MAF: variants seen among roughly 807,000 people sequenced by gnomAD.
MAF encodes MAF bZIP transcription factor.
A neutral mutation model predicts 22.0 loss-of-function variants in MAF; 10 were observed. That is an observed-to-expected ratio of 0.45 (90% CI 0.28 to 0.77). The LOEUF is 0.77. Ranked by LOEUF, MAF falls within the 30% of genes least tolerant of loss-of-function variation. The pLI, the probability that MAF is intolerant of heterozygous loss-of-function variation, is 0.12. For missense variants in MAF, 544 were observed against 548.4 expected, an observed-to-expected ratio of 0.99 and a Z score of 0.08; for synonymous variants, 337 against 255.8, an observed-to-expected ratio of 1.32 and a Z score of -3.03.
At chr16:79,303,709 C>T in the MAF span, among the ~76,000 whole-genome samples, 6 of 152,160 alleles carry the variant, frequency 3.9e-5, no homozygotes, top group South Asian at 6.2e-4. Context: ...GAGGCACACC[C>T]GTAAGAAAGA....
the MAF span, among the ~76,000 whole-genome samples, chr16:79,223,411 GA>G: frequency 2.7e-5 from 4 of 150,916 alleles, no homozygotes; most frequent in East Asian, 6.0e-4. Flanking sequence ...GAGAAAGCAG[GA>G]AAGATCTAAA....
the MAF span, among the ~76,000 whole-genome samples, chr16:79,330,077 A>C: frequency 6.6e-6 from 1 of 152,204 alleles, no homozygotes; most frequent in Admixed American, 6.5e-5. Context: ...TCAAGTAGCA[A>C]GTCTATTTTC....
the MAF span, among the ~76,000 whole-genome samples, chr16:79,288,874 C>G: frequency 4.6e-5 from 7 of 152,238 alleles, no homozygotes; most frequent in Middle Eastern, 3.4e-3. Flanking sequence ...GGATCACAGG[C>G]ACGCACCACC....
the MAF span, among the ~76,000 whole-genome samples, chr16:79,230,791 T>C: frequency 6.6e-6 from 1 of 152,210 alleles, no homozygotes; most frequent in Non-Finnish European, 1.5e-5. Context: ...AATGTACTTA[T>C]TGCATAGCAA....
At chr16:79,359,327 G>C in the MAF span, among the ~76,000 whole-genome samples, 1 of 152,184 alleles carries the variant, frequency 6.6e-6, no homozygotes, top group Non-Finnish European at 1.5e-5. Context: ...TTTTACAGAG[G>C]CGTTTGCTAA....
the MAF span, among the ~76,000 whole-genome samples, chr16:79,332,810 A>T: frequency 1.3e-5 from 2 of 152,336 alleles, no homozygotes; most frequent in African/African-American, 4.8e-5. Flanking sequence ...GAGGGTGACT[A>T]AGCCTGTCTC....
chr16:79,211,644 G>A, the MAF span: 1 of 1,614,180 alleles, frequency 6.2e-7, no homozygotes, highest in Non-Finnish European at 8.5e-7. Context: ...CTGTGCTGCT[G>A]TCCCAGAACT....
At chr16:79,279,884 A>C in the MAF span, among the ~76,000 whole-genome samples, 1 of 152,186 alleles carries the variant, frequency 6.6e-6, no homozygotes, top group Non-Finnish European at 1.5e-5. Flanking sequence ...CCTATTCTTC[A>C]TAAAAAGGCA....
At chr16:79,432,061 T>C in the MAF span, among the ~76,000 whole-genome samples, 3 of 152,216 alleles carry the variant, frequency 2.0e-5, no homozygotes, top group African/African-American at 4.8e-5. Flanking sequence ...TCTTGAATTA[T>C]AATCTCCAAA....
At chr16:79,428,317 C>G in the MAF span, among the ~76,000 whole-genome samples, 1 of 152,080 alleles carries the variant, frequency 6.6e-6, no homozygotes, top group African/African-American at 2.4e-5. Context: ...CTGAGTCTCA[C>G]CCCTGGGGGT....
the MAF span, among the ~76,000 whole-genome samples, chr16:79,350,697 G>C: frequency 6.6e-6 from 1 of 152,170 alleles, no homozygotes; most frequent in Non-Finnish European, 1.5e-5. Context: ...GAAGAGGCCT[G>C]GGCTGCTGAG....
At chr16:79,230,020 C>T in the MAF span, among the ~76,000 whole-genome samples, 2 of 151,798 alleles carry the variant, frequency 1.3e-5, no homozygotes, top group Admixed American at 6.6e-5. Context: ...AGAATAAAAG[C>T]ACTACACTGA....
chr16:79,357,051 G>A, the MAF span, among the ~76,000 whole-genome samples: 1 of 152,208 alleles, frequency 6.6e-6, no homozygotes, highest in Non-Finnish European at 1.5e-5. Context: ...GAGGTCAGGA[G>A]TTTAAGACCA....
rs12933870 is a variant in MAF, at chr16:79,598,748, A to C, written c.1118+37T>G. 10 of 1,613,360 alleles carry C rather than the reference A, an allele frequency of 6.2e-6. No individual in the cohort carries two copies. The East Asian group carries it at 2.2e-4, about 36-fold the overall frequency. On this transcript the variant is annotated intron_variant, in intron 1 of 1. Transcript: ENST00000326043. Reference sequence around the variant, plus strand: ...CGAGCCGGACCCCCGCGGAGCACTTATCAGGGTGGCTAGCTGGAATCGCGT... The same window carrying C: ...CGAGCCGGACCCCCGCGGAGCACTTCTCAGGGTGGCTAGCTGGAATCGCGT...
chr16:79,511,498 T>C, the MAF span, among the ~76,000 whole-genome samples: 2 of 152,150 alleles, frequency 1.3e-5, no homozygotes, highest in Non-Finnish European at 2.9e-5. Flanking sequence ...ATAAAAACAT[T>C]GCTGCATTTA....
At chr16:79,492,911 T>G in the MAF span, among the ~76,000 whole-genome samples, 1 of 152,186 alleles carries the variant, frequency 6.6e-6, no homozygotes, top group African/African-American at 2.4e-5. Flanking sequence ...TCTGCAGAAC[T>G]GGTTATGATC....
At chr16:79,340,241 A>G in the MAF span, among the ~76,000 whole-genome samples, 1 of 151,830 alleles carries the variant, frequency 6.6e-6, no homozygotes, top group Non-Finnish European at 1.5e-5. Context: ...GGAGAGCAGC[A>G]CCTTCTCTAC....
chr16:79,212,244 A>C, the MAF span: 1 of 1,341,306 alleles, frequency 7.5e-7, no homozygotes, highest in Non-Finnish European at 9.9e-7. Context: ...TGCTGCATTG[A>C]TCCAGGAGAT....
At chr16:79,515,085 C>T in the MAF span, among the ~76,000 whole-genome samples, 18 of 152,326 alleles carry the variant, frequency 1.2e-4, no homozygotes, top group African/African-American at 3.6e-4. Flanking sequence ...GAAAAAATGT[C>T]TACCTCATCC....
Sources: gnomAD v4.1 joint callset for allele counts (sites outside exome capture counted in the v4.1 genomes callset) on GRCh38, gnomAD v4.1.1 for gene constraint, MANE v1.5 for transcripts, NCBI Gene and HGNC (gene_info 2026-07-23, HGNC 2026-07-21) for gene names.